The following SCUBE1 variants were observed in gnomAD, a reference collection of about 807,000 sequenced individuals.
SCUBE1 encodes the protein signal peptide, CUB domain and EGF like domain containing 1.
In SCUBE1, 59 loss-of-function variants were observed where a neutral mutation model predicts 124.4. That is an observed-to-expected ratio of 0.47 (90% confidence interval 0.38 to 0.59). SCUBE1 has a LOEUF of 0.59. SCUBE1 is among the 20% of genes least tolerant of loss of function. SCUBE1 has a pLI of 0.00. For synonymous variants in SCUBE1, 545 were observed against 550.9 expected, an observed-to-expected ratio of 0.99 and a Z score of 0.15; for missense variants, 1,150 against 1,371.2, an observed-to-expected ratio of 0.84 and a Z score of 2.55.
At chr22:43,300,931 G>A (rs766855719) in intron 3 of SCUBE1, among the ~76,000 whole-genome samples, 5 of 152,092 alleles carry the variant, frequency 3.3e-5, no homozygotes, top group Non-Finnish European at 7.4e-5. Flanking sequence ...GACATCCTGC[G>A]GGCGTGACAG....
rs146414875 is a variant in SCUBE1, at chr22:43,306,049, A to T, written c.349+13888T>A. On this transcript the variant is annotated intron_variant, in intron 3 of 21. Coordinates refer to ENST00000360835, the MANE Select transcript of SCUBE1 (RefSeq NM_173050.5). ...CTGGAACCTGTCCCGGTGCTGGGGG[A>T]GGAGGGTCACTGCAGCATCTGCCCC... Among the ~76,000 whole-genome samples the T allele has an allele frequency of 9.4e-3, 1,435 of 152,056 alleles. 25 individuals are homozygous for T. Among genetic ancestry groups the T allele is most frequent in the African/African-American group, 0.033 (1,375 of 41,442 alleles).
intron 4 of SCUBE1, among the ~76,000 whole-genome samples, chr22:43,264,560 T>C (rs1923991586): frequency 6.6e-6 from 1 of 152,158 alleles, no homozygotes; most frequent in South Asian, 2.1e-4. Flanking sequence ...CCTCCTGCCC[T>C]GGTAAGGGTT....
chr22:43,343,091 G>A (rs1370050344), intron 1 of SCUBE1, 83 bp downstream of exon 1: 2 of 633,334 alleles, frequency 3.2e-6, no homozygotes, highest in East Asian at 7.1e-5. Flanking sequence ...CTCGGGATCC[G>A]CGGGGAAGAA....
At chr22:43,278,497 C>T (rs536002389) in intron 4 of SCUBE1, among the ~76,000 whole-genome samples, 2 of 152,320 alleles carry the variant, frequency 1.3e-5, no homozygotes, top group Admixed American at 6.5e-5. Context: ...CCTGCAGGAG[C>T]CGTGCTAGGG....
chr22:43,322,456 G>C (rs1380404048), intron 2 of SCUBE1, among the ~76,000 whole-genome samples: 4 of 152,164 alleles, frequency 2.6e-5, no homozygotes, highest in African/African-American at 9.7e-5. Context: ...GTTACCTGGG[G>C]TTCCTCATCC....
In SCUBE1 at chr22:43,200,026, G is replaced by C. The variant is rs1277416318; in HGVS notation, c.*3971C>G. The C allele has an allele frequency of 6.6e-6, 1 of 152,262 alleles. No individual in the cohort carries two copies. Among genetic ancestry groups the C allele is most frequent in the African/African-American group, 2.4e-5 (1 of 41,454 alleles). The allele number at this position is 152,262 out of a possible 1,614,324, so 9.4% of individuals were successfully genotyped here. On this transcript the variant is annotated 3_prime_UTR_variant, in exon 22 of 22. Transcript: ENST00000360835. Reference sequence around the variant, plus strand: ...AACTTGGGGGGAATGCCAGGAATGTGGGGCAGAAAGGTCCCCCCACGCCTG... The same window carrying C: ...AACTTGGGGGGAATGCCAGGAATGTCGGGCAGAAAGGTCCCCCCACGCCTG...
chr22:43,217,314 C>T (rs1013196677), intron 15 of SCUBE1, among the ~76,000 whole-genome samples: 2 of 151,698 alleles, frequency 1.3e-5, no homozygotes, highest in South Asian at 2.1e-4. Context: ...GTCCAGCCTG[C>T]GCACCCCATC....
At chr22:43,214,813 GAGTA>G (rs1205858178) in intron 15 of SCUBE1, among the ~76,000 whole-genome samples, 1 of 152,196 alleles carries the variant, frequency 6.6e-6, no homozygotes, top group African/African-American at 2.4e-5. Flanking sequence ...GTCGACTGAT[GAGTA>G]AGTAAGGAAA....
chr22:43,341,738 T>G (rs118182224), intron 1 of SCUBE1, among the ~76,000 whole-genome samples: 2,491 of 152,264 alleles, frequency 0.016, 111 homozygotes, highest in Admixed American at 0.085. Context: ...GAGACTCCCC[T>G]GCAGGGCGAC....
chr22:43,215,020 C>T (rs1467705052), intron 15 of SCUBE1, among the ~76,000 whole-genome samples: 1 of 152,200 alleles, frequency 6.6e-6, no homozygotes, highest in African/African-American at 2.4e-5. Flanking sequence ...CACGTGTATA[C>T]ACATCTATGC....
rs368557521 is a variant in SCUBE1, at chr22:43,255,333, CCCA to C, written c.727+2883_727+2885del. On this transcript the variant is annotated intron_variant, in intron 6 of 21. Transcript: ENST00000360835. The surrounding 1 kb of genome is among the most constrained non-coding windows in gnomAD (Gnocchi z 4.7). ...CAGGACTGCACACACGTGGGCACAC[CCCA>C]CAACACAGACATATGCCCCCACACG... 1.4e-3 allele frequency among the ~76,000 whole-genome samples: 218 copies of C among 152,224 alleles called. 2 individuals are homozygous for C. Among genetic ancestry groups the C allele is most frequent in the African/African-American group, 4.4e-3 (181 of 41,534 alleles).
rs564720610 is a variant in SCUBE1 at position 43,247,290 on chromosome 22, T to C, written c.728-8336A>G. Among the ~76,000 whole-genome samples, 3 of 152,286 alleles carry C rather than the reference T, an allele frequency of 2.0e-5. No individual in the cohort carries two copies. In the East Asian group the frequency reaches 5.8e-4, roughly 29 times the overall value. On this transcript the variant is annotated intron_variant, in intron 6 of 21. Coordinates refer to ENST00000360835, the MANE Select transcript of SCUBE1 (RefSeq NM_173050.5). ...AGAGACTAGAAGCCATCTCTGTAAA[T>C]GAGAAACTGAAGCTCAGATGTGAGC...
Position 43,339,668 on chromosome 22 carries a change from T to TCACTCCAGCCCTCCCCCAC in SCUBE1, c.89-434_89-433insGTGGGGGAGGGCTGGAGTG, listed in dbSNP as rs1569037917. Among the ~76,000 whole-genome samples, 6 of 57,204 alleles carry TCACTCCAGCCCTCCCCCAC rather than the reference T, an allele frequency of 1.0e-4. 1 individual carries two copies. The highest frequency in any genetic ancestry group is 3.9e-4 in the African/African-American group (5 of 12,966). The allele number at this position is 57,204 out of a possible 152,430, so 37.5% of individuals were successfully genotyped here. A position where few individuals can be genotyped will look rare whatever the true frequency, so the allele number is the denominator to read the frequency against. On this transcript the variant is annotated intron_variant, in intron 1 of 21. Coordinates refer to ENST00000360835, the MANE Select transcript of SCUBE1 (RefSeq NM_173050.5). The stretch of plus-strand genomic sequence containing the variant: ...CAAGCATCACTCCAGCCCTCCCCCA[T>TCACTCCAGCCCTCCCCCAC]TCTCCTCACTCTATCCCCCCACAAG...
Position 43,343,180 on chromosome 22 carries a change from G to C in SCUBE1, c.82C>G (p.Leu28Val). Residue 28 changes from leucine (L) to valine (V), a missense_variant, in exon 1 of 22, where the codon CTC (leucine) becomes GTC (valine). Leu to Val is a conservative substitution (Grantham distance 32). Around this residue, in one of 3 missense-constraint regions of SCUBE1, gnomAD observed 56 missense variants for 48.1 expected, o/e 1.16. Coordinates refer to ENST00000360835, the MANE Select transcript of SCUBE1 (RefSeq NM_173050.5). ...TRGRLAGGSGLPGSVDVDECS... is the reference protein window; with the variant it reads ...TRGRLAGGSGVPGSVDVDECS... ...ACCTCGGTCGGGGGCTTACCTGGGA[G>C]CCCGCTGCCCCCGGCCAGCCGCCCG... 8.5e-7 allele frequency: 1 copy of C among 1,177,654 alleles called. No homozygotes were observed. Among genetic ancestry groups the C allele is most frequent in the Non-Finnish European group, 1.0e-6 (1 of 953,992 alleles). 73.0% of individuals were successfully genotyped at this position (1,177,654 alleles called of 1,614,324 possible).
chr22:43,207,103 G>A (rs546417426), intron 21 of SCUBE1, among the ~76,000 whole-genome samples: 22 of 152,252 alleles, frequency 1.4e-4, no homozygotes, highest in Non-Finnish European at 2.6e-4. Context: ...CACACCAGGC[G>A]GCCCTGCCTC....
chr22:43,214,046 C>CGGGGGGGGGGGGGGGGG, intron 16 of SCUBE1, 44 bp downstream of exon 16: 13 of 422,702 alleles, frequency 3.1e-5, no homozygotes, highest in Non-Finnish European at 5.0e-5. Context: ...GAGGAGCCCC[C>CGGGGGGGGGGGGGGGGG]GCCCACCCCC....
intron 6 of SCUBE1, among the ~76,000 whole-genome samples, chr22:43,244,929 C>T (rs1923146319): frequency 6.6e-6 from 1 of 152,278 alleles, no homozygotes; most frequent in African/African-American, 2.4e-5. Flanking sequence ...CCCACCTGCC[C>T]TTCTGTCCCT....
intron 3 of SCUBE1, among the ~76,000 whole-genome samples, chr22:43,309,059 C>T (rs996330173): frequency 2.0e-5 from 3 of 152,024 alleles, no homozygotes; most frequent in Non-Finnish European, 2.9e-5. Context: ...GCTCATCTGG[C>T]AGGAATGAGG....
rs199951158 is a variant in SCUBE1 at position 43,229,057 on chromosome 22, G to A, written c.1084+15C>T. On this transcript the variant is annotated intron_variant, in intron 9 of 21. Coordinates refer to ENST00000360835, the MANE Select transcript of SCUBE1 (RefSeq NM_173050.5). ...GCCTCGGGGGGGAGGTGGCCCTGGC[G>A]GGCAGGCTGCAGACCTCCGCAGTGG... is the stretch of plus-strand genomic sequence containing the variant. 1.8e-5 allele frequency: 29 copies of A among 1,591,284 alleles called. No individual in the cohort carries two copies. The highest frequency in any genetic ancestry group is 1.0e-4 in the Admixed American group (6 of 59,340).
Sources: allele counts gnomAD v4.1 joint callset (sites outside exome capture counted in the v4.1 genomes callset), GRCh38; gene constraint gnomAD v4.1.1; regional missense constraint gnomAD v4.1.1; non-coding constraint Gnocchi (gnomAD v3.1); transcripts MANE v1.5; gene names NCBI Gene and HGNC (gene_info 2026-07-23, HGNC 2026-07-21).